The following PHACTR3 variants were observed in gnomAD, a reference collection of about 807,000 sequenced individuals.
The protein encoded by PHACTR3 is phosphatase and actin regulator 3, also known as protein phosphatase 1, regulatory subunit 123.
A neutral mutation model predicts 66.8 loss-of-function variants in PHACTR3; 16 were observed. The observed-to-expected ratio is 0.24, with a 90% confidence interval of 0.16 to 0.36. The LOEUF is 0.36. Ranked by LOEUF, PHACTR3 falls within the 10% of genes least tolerant of loss-of-function variation. The pLI, the probability that PHACTR3 is intolerant of heterozygous loss-of-function variation, is 1.00. For missense variants in PHACTR3, 647 were observed against 719.9 expected (o/e 0.90, Z 1.16); for synonymous variants, 323 against 292.1 (o/e 1.11, Z -1.08).
At chr20:59,681,718 T>C (rs2036656173) in intron 1 of PHACTR3, among the ~76,000 whole-genome samples, 1 of 152,236 alleles carries the variant, frequency 6.6e-6, no homozygotes. Context: ...TTGATAGGAA[T>C]CAGGCCTCTG....
intron 1 of PHACTR3, among the ~76,000 whole-genome samples, chr20:59,618,278 G>A (rs1218424328): frequency 6.6e-6 from 1 of 152,168 alleles, no homozygotes; most frequent in African/African-American, 2.4e-5. Context: ...CTGGGGAGGA[G>A]CTTGTCTGCC....
intron 8 of PHACTR3, among the ~76,000 whole-genome samples, chr20:59,808,722 G>C (rs2041642659): frequency 6.6e-6 from 1 of 152,156 alleles, no homozygotes; most frequent in Non-Finnish European, 1.5e-5. Flanking sequence ...GGTGCAGGGA[G>C]GCCTGAGAAT....
chr20:59,823,913 G>A (rs1221194437), intron 8 of PHACTR3, among the ~76,000 whole-genome samples: 1 of 152,200 alleles, frequency 6.6e-6, no homozygotes, highest in African/African-American at 2.4e-5. Flanking sequence ...GTACAAATAG[G>A]TTTGGGAACA....
At position 59,713,461 on chromosome 20, in the gene PHACTR3, C is replaced by T. The variant is rs191038217; in HGVS notation, c.119-29646C>T. On this transcript the variant is annotated intron_variant, in intron 1 of 12. Coordinates refer to ENST00000371015, the MANE Select transcript of PHACTR3 (RefSeq NM_080672.5). ...AGAGAACCACTGTCTTAATTTACAT[C>T]GTCTTGATTAGTTTTACTTGTTTTT... 1.3e-3 allele frequency among the ~76,000 whole-genome samples: 200 copies of T among 152,260 alleles called. 1 individual carries two copies. Among genetic ancestry groups the T allele is most frequent in the Non-Finnish European group, 2.2e-3 (149 of 68,012 alleles).
At chr20:59,593,258 G>A (rs2033237416) in intron 1 of PHACTR3, among the ~76,000 whole-genome samples, 1 of 152,224 alleles carries the variant, frequency 6.6e-6, no homozygotes, top group South Asian at 2.1e-4. Flanking sequence ...ATGGCATAAT[G>A]TTTGGAGCAT....
rs1340504560 is a variant in PHACTR3, at chr20:59,755,355, G to A, written c.532G>A (p.Asp178Asn). ...DKPLSSAAHL[D>N]DAAKMPSASS... Reference sequence around the variant, plus strand: ...GCCACTGTCCTCAGCTGCCCACTTGGACGATGCAGGTACTGGCTGGAGACC... The same window carrying A: ...GCCACTGTCCTCAGCTGCCCACTTGAACGATGCAGGTACTGGCTGGAGACC... The change falls in exon 4 of 13, where the codon GAC becomes AAC. Residue 178 changes from aspartate to asparagine, a missense_variant. Transcript: ENST00000371015. 2 of 1,613,366 alleles carry A rather than the reference G, an allele frequency of 1.2e-6. No homozygotes were observed. The highest frequency in any genetic ancestry group is 2.2e-5 in the East Asian group (1 of 44,872).
intron 7 of PHACTR3, 148 bp from the exon 8 acceptor site, chr20:59,805,893 A>G: frequency 1.2e-6 from 1 of 816,294 alleles, no homozygotes; most frequent in Non-Finnish European, 2.0e-6. Flanking sequence ...CAAGCTGGCG[A>G]GCGTGTGTCC....
At chr20:59,779,829 C>T (rs1172831836) in intron 7 of PHACTR3, among the ~76,000 whole-genome samples, 2 of 152,234 alleles carry the variant, frequency 1.3e-5, no homozygotes, top group African/African-American at 2.4e-5. Flanking sequence ...GGGGTGCCTT[C>T]GTGGGTATGC....
intron 9 of PHACTR3, among the ~76,000 whole-genome samples, chr20:59,837,764 C>T (rs1374025205): frequency 1.3e-5 from 2 of 152,234 alleles, no homozygotes; most frequent in Middle Eastern, 3.4e-3. Flanking sequence ...AGTAGCAGTC[C>T]AGACTTGAAC....
In PHACTR3 at chr20:59,677,181, G is replaced by A. The variant is rs756593196; in HGVS notation, c.119-65926G>A. On this transcript the variant is annotated intron_variant, in intron 1 of 12. Coordinates refer to ENST00000371015, the MANE Select transcript of PHACTR3 (RefSeq NM_080672.5). ...AAATAATAGATTGTCATTGATGTGC[G>A]TTTTGACTGCATGGTGTCCTATTCT... Among the ~76,000 whole-genome samples the A allele has an allele frequency of 4.9e-4, 75 of 152,276 alleles. 1 individual carries two copies. Among genetic ancestry groups the A allele is most frequent in the African/African-American group, 1.6e-3 (67 of 41,562 alleles).
rs1183218413 is a variant in PHACTR3 at position 59,829,187 on chromosome 20, G to A, written c.1329-7318G>A. Among the ~76,000 whole-genome samples, 3 of 152,110 alleles carry A rather than the reference G, an allele frequency of 2.0e-5. No individual in the cohort carries two copies. The highest frequency in any genetic ancestry group is 2.4e-5 in the African/African-American group (1 of 41,426). On this transcript the variant is annotated intron_variant, in intron 8 of 12. Coordinates refer to ENST00000371015, the MANE Select transcript of PHACTR3 (RefSeq NM_080672.5). The surrounding 1 kb of genome is among the most constrained non-coding windows in gnomAD (Gnocchi z 4.2). ...GAGTGCCTGGAGTCACATCCTCCCC[G>A]GCATCCCAGAAGTCAGGACTGCTGG...
chr20:59,601,162 G>A (rs139806327), upstream of PHACTR3, among the ~76,000 whole-genome samples: 41 of 152,212 alleles, frequency 2.7e-4, no homozygotes, highest in East Asian at 6.2e-3. Context: ...CATCCTCGGC[G>A]TCCACAGATC....
At chr20:59,706,669 T>C (rs1310355679) in intron 1 of PHACTR3, among the ~76,000 whole-genome samples, 1 of 152,260 alleles carries the variant, frequency 6.6e-6, no homozygotes, top group Non-Finnish European at 1.5e-5. Flanking sequence ...AAGGGCTTTT[T>C]TTCTGCTTTG....
intron 1 of PHACTR3, among the ~76,000 whole-genome samples, chr20:59,622,678 C>T (rs2146368509): frequency 6.6e-6 from 1 of 152,148 alleles, no homozygotes; most frequent in East Asian, 1.9e-4. Flanking sequence ...GTCTCTTGAC[C>T]CTTCAGCTCC....
intron 8 of PHACTR3, among the ~76,000 whole-genome samples, chr20:59,832,145 C>T (rs184143745): frequency 6.6e-5 from 10 of 152,306 alleles, no homozygotes; most frequent in Non-Finnish European, 1.3e-4. Context: ...TGCCTCAGCC[C>T]TCCCAGCATC....
chr20:59,655,139 C>T (rs1003745348), intron 1 of PHACTR3, among the ~76,000 whole-genome samples: 1 of 152,030 alleles, frequency 6.6e-6, no homozygotes, highest in African/African-American at 2.4e-5. Context: ...TTAAAAAGAA[C>T]TTCCAAATAG....
intron 7 of PHACTR3, among the ~76,000 whole-genome samples, chr20:59,785,718 C>T (rs556915809): frequency 6.6e-6 from 1 of 152,216 alleles, no homozygotes; most frequent in Non-Finnish European, 1.5e-5. Context: ...AAAGCCAAGT[C>T]ACATCCACAG....
At chr20:59,819,208 G>A (rs1201953368) in intron 8 of PHACTR3, among the ~76,000 whole-genome samples, 1 of 152,104 alleles carries the variant, frequency 6.6e-6, no homozygotes, top group Non-Finnish European at 1.5e-5. Flanking sequence ...ATCACTTGCT[G>A]TGTTGCCCAG....
At chr20:59,710,987 C>T (rs2037893400) in intron 1 of PHACTR3, among the ~76,000 whole-genome samples, 1 of 152,182 alleles carries the variant, frequency 6.6e-6, no homozygotes, top group South Asian at 2.1e-4. Context: ...CATTCCCAGT[C>T]ATATCAACCA....
Sources: gnomAD v4.1 joint callset for allele counts (sites outside exome capture counted in the v4.1 genomes callset) on GRCh38, gnomAD v4.1.1 for gene constraint, Gnocchi (gnomAD v3.1) non-coding constraint, MANE v1.5 for transcripts, NCBI Gene and HGNC (gene_info 2026-07-23, HGNC 2026-07-21) for gene names.